ANO3: variants seen among roughly 807,000 people sequenced by gnomAD.
The protein encoded by ANO3 is anoctamin-3.
In ANO3, 99 loss-of-function variants were observed where a neutral mutation model predicts 144.8. The observed-to-expected ratio is 0.68, with a 90% CI of 0.58 to 0.81. The LOEUF is 0.81. ANO3 is among the 30% of genes least tolerant of loss of function. The pLI, the probability that ANO3 is intolerant of heterozygous loss-of-function variation, is 0.00. For synonymous variants in ANO3, 414 were observed against 392.6 expected (o/e 1.05, Z -0.64); for missense variants, 905 against 1,202.2 (o/e 0.75, Z 3.66).
chr11:26,192,019 C>T (rs924792257), intron 1 of ANO3, among the ~76,000 whole-genome samples: 9 of 152,050 alleles, frequency 5.9e-5, no homozygotes, highest in African/African-American at 1.9e-4. Context: ...AACCAAATAA[C>T]ACATCATAGT....
intron 1 of ANO3, among the ~76,000 whole-genome samples, chr11:26,236,915 A>G (rs1852543660): frequency 6.6e-6 from 1 of 152,092 alleles, no homozygotes; most frequent in African/African-American, 2.4e-5. Flanking sequence ...GGATATATAC[A>G]GTTATAAAAG....
At chr11:26,194,439 GGT>G (rs1161631402) in intron 1 of ANO3, among the ~76,000 whole-genome samples, 6,160 of 60,362 alleles carry the variant, frequency 0.1, 197 homozygotes, top group East Asian at 0.2. Flanking sequence ...GGTACATAGT[GGT>G]GTGTGTGTGT....
chr11:26,325,541 A>G (rs1854861942), intron 1 of ANO3, among the ~76,000 whole-genome samples: 1 of 152,194 alleles, frequency 6.6e-6, no homozygotes, highest in Non-Finnish European at 1.5e-5. Context: ...ATTGATACAT[A>G]AATGGTTTCA....
chr11:26,273,927 GC>G (rs1853503589), intron 1 of ANO3, among the ~76,000 whole-genome samples: 1 of 152,108 alleles, frequency 6.6e-6, no homozygotes, highest in African/African-American at 2.4e-5. Flanking sequence ...ATGATGTTGA[GC>G]TTCACATAAG....
chr11:26,275,578 A>T (rs1205916421), intron 1 of ANO3, among the ~76,000 whole-genome samples: 1 of 152,160 alleles, frequency 6.6e-6, no homozygotes, highest in Non-Finnish European at 1.5e-5. Context: ...GGAGGTCCTC[A>T]TCCCTCCTTT....
intron 1 of ANO3, among the ~76,000 whole-genome samples, chr11:26,378,295 G>T (rs1180757250): frequency 1.3e-5 from 2 of 149,470 alleles, no homozygotes; most frequent in Non-Finnish European, 3.0e-5. Context: ...AGACTCTCAT[G>T]AGGTATACTA....
chr11:26,499,282 C>T (rs1297551660), intron 4 of ANO3, among the ~76,000 whole-genome samples: 1 of 151,588 alleles, frequency 6.6e-6, no homozygotes, highest in East Asian at 1.9e-4. Flanking sequence ...ATTTACAAAG[C>T]TTTTATTTGA....
At chr11:26,517,002 C>A in intron 6 of ANO3, 75 bp downstream of exon 6, 1 of 758,282 alleles carries the variant, frequency 1.3e-6, no homozygotes, top group Non-Finnish European at 2.1e-6. Context: ...CTTAGAGCAA[C>A]AAATGCAACC....
chr11:26,565,316 G>A, intron 14 of ANO3: 1 of 1,610,918 alleles, frequency 6.2e-7, no homozygotes, highest in Non-Finnish European at 8.5e-7. Context: ...CTATCAAGGG[G>A]GTCACAGATG....
At chr11:26,456,320 C>A (rs1207480580) in intron 3 of ANO3, among the ~76,000 whole-genome samples, 6 of 152,194 alleles carry the variant, frequency 3.9e-5, no homozygotes, top group South Asian at 4.1e-4. Flanking sequence ...TTCACAACCT[C>A]CTCATCTGAC....
At position 26,463,135 on chromosome 11, in the gene ANO3, C is replaced by T; in HGVS notation, c.419C>T (p.Thr140Ile). 6.5e-7 allele frequency: 1 copy of T among 1,548,394 alleles called. No homozygotes were observed. The highest frequency in any genetic ancestry group is 1.2e-5 in the South Asian group (1 of 84,818). The change falls in exon 4 of 27, where the codon ACA becomes ATA. Residue 140 changes from threonine (T) to isoleucine (I), a missense_variant. Around this residue, in one of 4 missense-constraint regions of ANO3, gnomAD observed 174 missense variants for 171.9 expected, o/e 1.01. Transcript: ENST00000256737. ...ATCAAAGATAAATCTGAATTCAAGA[C>T]AAAATTATCTAAGGTAATGAGAACT... ...FVIKDKSEFK[T>I]KLSKNDMNYI...
intron 4 of ANO3, among the ~76,000 whole-genome samples, chr11:26,463,694 A>T (rs1338431745): frequency 1.3e-5 from 2 of 151,900 alleles, no homozygotes; most frequent in African/African-American, 4.8e-5. Context: ...AATGAGGTAG[A>T]GTTCAATTTT....
chr11:26,340,718 T>C (rs923824656), intron 1 of ANO3, among the ~76,000 whole-genome samples: 6 of 152,234 alleles, frequency 3.9e-5, no homozygotes, highest in African/African-American at 7.2e-5. Context: ...AAAGGCAAGC[T>C]ATATAGATTC....
intron 1 of ANO3, among the ~76,000 whole-genome samples, chr11:26,212,655 C>G (rs1851957921): frequency 6.6e-6 from 1 of 151,662 alleles, no homozygotes; most frequent in African/African-American, 2.4e-5. Flanking sequence ...GCCTACCAAC[C>G]AAAAAAAGCC....
intron 1 of ANO3, among the ~76,000 whole-genome samples, chr11:26,189,648 C>T (rs760492641): frequency 2.6e-5 from 4 of 151,986 alleles, no homozygotes; most frequent in East Asian, 1.9e-4. Context: ...ATGGCATGAC[C>T]GATGAAATCA....
chr11:26,526,660 C>T (rs796101178), intron 7 of ANO3, among the ~76,000 whole-genome samples: 46 of 151,980 alleles, frequency 3.0e-4, no homozygotes, highest in African/African-American at 1.0e-3. Context: ...TAATTTTAGG[C>T]GTGGCAGTAT....
At position 26,513,976 on chromosome 11, in the gene ANO3, A is replaced by G. The variant is rs188667190; in HGVS notation, c.592-2851A>G. Among the ~76,000 whole-genome samples, 448 of 152,210 alleles carry G rather than the reference A, an allele frequency of 2.9e-3. 2 individuals are homozygous for G. Among genetic ancestry groups the G allele is most frequent in the African/African-American group, 1.0e-2 (414 of 41,542 alleles). On this transcript the variant is annotated intron_variant, in intron 5 of 26. Transcript: ENST00000256737. ...CTCCTTGAATAACCTCTGAATAAGA[A>G]CTCATATCTCCCCAGGAACAAAAAG...
At chr11:26,420,452 G>A (rs1195037992) in intron 1 of ANO3, among the ~76,000 whole-genome samples, 27 of 152,012 alleles carry the variant, frequency 1.8e-4, no homozygotes, top group Non-Finnish European at 1.5e-5. Context: ...TCTAAGGACT[G>A]CAACAATCCA....
chr11:26,420,066 G>C (rs1246248784), intron 1 of ANO3, among the ~76,000 whole-genome samples: 1 of 151,866 alleles, frequency 6.6e-6, no homozygotes, highest in East Asian at 1.9e-4. Context: ...TTTTTAGAGA[G>C]CTTTCTTCAT....
Sources: allele counts gnomAD v4.1 joint callset (sites outside exome capture counted in the v4.1 genomes callset), GRCh38; gene constraint gnomAD v4.1.1; regional missense constraint gnomAD v4.1.1; transcripts MANE v1.5; gene names NCBI Gene and HGNC (gene_info 2026-07-23, HGNC 2026-07-21).